PACC1: variants seen among roughly 807,000 people sequenced by gnomAD.
PACC1 encodes proton-activated chloride channel.
A neutral mutation model predicts 39.7 loss-of-function variants in PACC1; 34 were observed. That is an observed-to-expected ratio of 0.86 (90% CI 0.65 to 1.14). PACC1 has a LOEUF of 1.14. Ranked by LOEUF, PACC1 falls within the 50% of genes most tolerant of loss-of-function variation. The pLI is 0.00. For missense variants in PACC1, 379 were observed against 436.4 expected (o/e 0.87, Z 1.17); for synonymous variants, 127 against 160.6 (o/e 0.79, Z 1.58).
intron 5 of PACC1, among the ~76,000 whole-genome samples, chr1:212,378,889 G>A (rs1382987868): frequency 2.0e-5 from 3 of 151,636 alleles, no homozygotes; most frequent in Admixed American, 2.0e-4. Flanking sequence ...GAGGATGAAG[G>A]CCTTTACAAT....
chr1:212,384,062 A>G (rs3767866), intron 4 of PACC1, among the ~76,000 whole-genome samples: 80,221 of 151,972 alleles, frequency 0.53, 22,817 homozygotes, highest in African/African-American at 0.75. Flanking sequence ...TACCTCTACA[A>G]CAGGTCTCTC....
At chr1:212,381,054 C>G (rs1391124225) in intron 4 of PACC1, among the ~76,000 whole-genome samples, 1 of 152,218 alleles carries the variant, frequency 6.6e-6, no homozygotes, top group East Asian at 1.9e-4. Flanking sequence ...TGTATACACA[C>G]ACATACATAC....
chr1:212,380,798 CCTA>C (rs971973169), intron 4 of PACC1, among the ~76,000 whole-genome samples: 1 of 152,172 alleles, frequency 6.6e-6, no homozygotes, highest in African/African-American at 2.4e-5. Flanking sequence ...AGGTGCTCTC[CCTA>C]CTACTCTTCC....
chr1:212,404,103 T>A (rs1441543278), intron 2 of PACC1, among the ~76,000 whole-genome samples: 1 of 151,826 alleles, frequency 6.6e-6, no homozygotes, highest in East Asian at 1.9e-4. Flanking sequence ...AATCCTTTTA[T>A]TTTTTATTTA....
chr1:212,384,277 G>A (rs1477476729), intron 4 of PACC1, among the ~76,000 whole-genome samples: 3 of 151,974 alleles, frequency 2.0e-5, no homozygotes, highest in Non-Finnish European at 4.4e-5. Flanking sequence ...TTAGGAGGGG[G>A]CCTAGCGTTC....
chr1:212,414,678 C>A, intron 1 of PACC1, 44 bp downstream of exon 1: 3 of 1,612,014 alleles, frequency 1.9e-6, no homozygotes, highest in South Asian at 2.2e-5. Context: ...CGGGACCCTG[C>A]TCCTCCGCCT....
intron 2 of PACC1, among the ~76,000 whole-genome samples, chr1:212,405,593 T>G (rs1661880543): frequency 6.6e-6 from 1 of 152,096 alleles, no homozygotes. Context: ...GCACTTGGCA[T>G]AACAAGTGAA....
At chr1:212,365,559 T>G (rs1307009571) in intron 7 of PACC1, among the ~76,000 whole-genome samples, 183 bp from the exon 8 acceptor site, 1 of 151,878 alleles carries the variant, frequency 6.6e-6, no homozygotes, top group African/African-American at 2.4e-5. Context: ...GCCTCCCGAG[T>G]AGCTGGGATT....
chr1:212,392,260 C>G (rs1571661154), intron 2 of PACC1, among the ~76,000 whole-genome samples: 1 of 152,224 alleles, frequency 6.6e-6, no homozygotes, highest in South Asian at 2.1e-4. Flanking sequence ...AGAAACTCTA[C>G]AAGCCAGAAG....
At chr1:212,407,276 G>A (rs1238335014) in intron 2 of PACC1, among the ~76,000 whole-genome samples, 1 of 152,122 alleles carries the variant, frequency 6.6e-6, no homozygotes, top group African/African-American at 2.4e-5. Flanking sequence ...TGCAGGAAGG[G>A]GCCACAAGCC....
intron 2 of PACC1, among the ~76,000 whole-genome samples, chr1:212,408,816 T>C (rs1456951198): frequency 6.6e-6 from 1 of 152,230 alleles, no homozygotes; most frequent in Non-Finnish European, 1.5e-5. Context: ...TGGTCAAGGC[T>C]AGGCTGGTGA....
chr1:212,374,192 T>G (rs754564206), intron 7 of PACC1, among the ~76,000 whole-genome samples: 2 of 147,328 alleles, frequency 1.4e-5, no homozygotes, highest in Non-Finnish European at 2.9e-5. Context: ...GAAAATGTGG[T>G]GTGTATATAT....
chr1:212,398,759 T>C (rs1011660230), intron 2 of PACC1, among the ~76,000 whole-genome samples: 9 of 152,324 alleles, frequency 5.9e-5, no homozygotes, highest in East Asian at 3.9e-4. Flanking sequence ...CTATCTGCCT[T>C]CTCTCCATGT....
Position 212,403,211 on chromosome 1 carries a change from T to C in PACC1, c.133+7214A>G, listed in dbSNP as rs544497696. Among the ~76,000 whole-genome samples the C allele has an allele frequency of 2.6e-5, 4 of 152,356 alleles. No individual in the cohort carries two copies. The South Asian group carries it at 8.3e-4, about 32-fold the overall frequency. Reference sequence around the variant, plus strand: ...ATAGACTAAAGCTTTTAGTGCATTATGGTATGGAATTATGTATTCCAGAGA... The same window carrying C: ...ATAGACTAAAGCTTTTAGTGCATTACGGTATGGAATTATGTATTCCAGAGA... On this transcript the variant is annotated intron_variant, in intron 2 of 7. Coordinates refer to ENST00000261455, the MANE Select transcript of PACC1 (RefSeq NM_018252.3).
intron 2 of PACC1, among the ~76,000 whole-genome samples, chr1:212,390,768 T>C (rs1661288300): frequency 2.0e-5 from 3 of 152,208 alleles, no homozygotes; most frequent in African/African-American, 7.2e-5. Context: ...CCAATGGTCT[T>C]AGCAAATGGC....
At chr1:212,402,148 C>G (rs535361039) in intron 2 of PACC1, among the ~76,000 whole-genome samples, 23 of 152,168 alleles carry the variant, frequency 1.5e-4, no homozygotes, top group African/African-American at 4.6e-4. Flanking sequence ...TTCATGTGGA[C>G]GTAAGTTTTC....
chr1:212,379,769 G>A (rs701905), intron 5 of PACC1, 126 bp downstream of exon 5: 16 of 1,204,096 alleles, frequency 1.3e-5, no homozygotes, highest in Non-Finnish European at 1.8e-5. Flanking sequence ...TCCTGGGCCA[G>A]TGGGTCATCT....
chr1:212,385,033 C>A (rs1464713161), intron 4 of PACC1, among the ~76,000 whole-genome samples: 1 of 152,220 alleles, frequency 6.6e-6, no homozygotes, highest in African/African-American at 2.4e-5. Flanking sequence ...GGTCTCACCG[C>A]ACTGTCAGGA....
At chr1:212,404,013 G>A (rs1571677173) in intron 2 of PACC1, among the ~76,000 whole-genome samples, 7 of 152,210 alleles carry the variant, frequency 4.6e-5, no homozygotes, top group South Asian at 4.1e-4. Context: ...AGCCTTTGCC[G>A]CAGCATGGTT....
Sources: gnomAD v4.1 joint callset for allele counts (sites outside exome capture counted in the v4.1 genomes callset) on GRCh38, gnomAD v4.1.1 for gene constraint, MANE v1.5 for transcripts, NCBI Gene and HGNC (gene_info 2026-07-23, HGNC 2026-07-21) for gene names.